The following TMIGD3 variants were observed in gnomAD, a reference collection of about 807,000 sequenced individuals.
The protein encoded by TMIGD3 is transmembrane and immunoglobulin domain containing 3.
Under a neutral mutation model 28.1 loss-of-function variants are expected in TMIGD3, and 21 were observed. That is an observed-to-expected ratio of 0.75 (90% CI 0.53 to 1.08). The LOEUF is 1.08. TMIGD3 is among the 50% of genes least tolerant of loss of function. TMIGD3 has a pLI of 0.00. For missense variants in TMIGD3, 416 were observed against 435.6 expected (o/e 0.96, Z 0.40); for synonymous variants, 151 against 162.1 (o/e 0.93, Z 0.52).
intron 1 of TMIGD3, among the ~76,000 whole-genome samples, chr1:111,555,362 TAAAAAAAA>T (rs397981230): frequency 5.5e-4 from 26 of 47,650 alleles, no homozygotes; most frequent in Non-Finnish European, 7.5e-4. Flanking sequence ...TGAGACTCTG[TAAAAAAAA>T]AAAAAAAAAA....
At chr1:111,548,425 A>AATG (rs1330447067) in intron 1 of TMIGD3, among the ~76,000 whole-genome samples, 2 of 152,214 alleles carry the variant, frequency 1.3e-5, no homozygotes, top group African/African-American at 2.4e-5. Context: ...CCTTTAAAGA[A>AATG]ATGCTTCAGG....
chr1:111,554,971 G>A (rs1172014463), intron 1 of TMIGD3, among the ~76,000 whole-genome samples: 2 of 152,060 alleles, frequency 1.3e-5, no homozygotes, highest in Non-Finnish European at 2.9e-5. Flanking sequence ...GACTTTAAAT[G>A]TAGTTATTAA....
At chr1:111,522,571 C>T (rs1656110292) in intron 1 of TMIGD3, among the ~76,000 whole-genome samples, 1 of 148,796 alleles carries the variant, frequency 6.7e-6, no homozygotes, top group Admixed American at 6.7e-5. Context: ...GGCTGAAGTG[C>T]AGTGGCGTGA....
At chr1:111,494,965 C>T (rs997408136) in intron 1 of TMIGD3, among the ~76,000 whole-genome samples, 3 of 152,138 alleles carry the variant, frequency 2.0e-5, no homozygotes, top group Admixed American at 6.5e-5. Context: ...GAAACTGGAC[C>T]CCTTCCTTAT....
At chr1:111,536,169 C>T (rs962086152) in intron 1 of TMIGD3, among the ~76,000 whole-genome samples, 174 of 152,052 alleles carry the variant, frequency 1.1e-3, no homozygotes, top group African/African-American at 3.8e-3. Flanking sequence ...CTCATACATT[C>T]GTTTTCTCTG....
At chr1:111,546,076 T>C (rs936437553) in intron 1 of TMIGD3, among the ~76,000 whole-genome samples, 8 of 152,182 alleles carry the variant, frequency 5.3e-5, no homozygotes, top group African/African-American at 1.7e-4. Context: ...TTTTTTCTTT[T>C]TCAAAACTAT....
intron 1 of TMIGD3, among the ~76,000 whole-genome samples, chr1:111,494,011 C>T (rs1368811496): frequency 6.6e-6 from 1 of 152,214 alleles, no homozygotes. Context: ...ACTGAATATA[C>T]AAGTGGACTA....
intron 1 of TMIGD3, chr1:111,500,499 C>G: frequency 1.1e-5 from 17 of 1,614,152 alleles, no homozygotes; most frequent in Non-Finnish European, 1.4e-5. Flanking sequence ...GGAATGACAC[C>G]AGCCAGCAAA....
At chr1:111,526,943 G>A (rs2101009513) in intron 1 of TMIGD3, among the ~76,000 whole-genome samples, 1 of 147,186 alleles carries the variant, frequency 6.8e-6, no homozygotes, top group East Asian at 2.1e-4. Flanking sequence ...GAATCATACA[G>A]TATGTAGCTT....
chr1:111,514,532 G>GGATGACAGGATGA (rs1571427680), intron 1 of TMIGD3, among the ~76,000 whole-genome samples: 1 of 151,770 alleles, frequency 6.6e-6, no homozygotes, highest in African/African-American at 2.4e-5. Flanking sequence ...ACTCCACCCT[G>GGATGACAGGATGA]GATGACAGGA....
chr1:111,531,250 C>T (rs1334613871), intron 1 of TMIGD3, among the ~76,000 whole-genome samples: 1 of 151,838 alleles, frequency 6.6e-6, no homozygotes, highest in Non-Finnish European at 1.5e-5. Flanking sequence ...TGAATTCCAG[C>T]CTGGGTGACA....
intron 1 of TMIGD3, among the ~76,000 whole-genome samples, chr1:111,561,149 G>C (rs1427247644): frequency 6.6e-6 from 1 of 152,152 alleles, no homozygotes; most frequent in African/African-American, 2.4e-5. Flanking sequence ...TTTGAGACAG[G>C]GTCTCCCTCT....
intron 3 of TMIGD3, 132 bp from the exon 4 acceptor site, chr1:111,486,784 A>G: frequency 1.3e-6 from 1 of 769,102 alleles, no homozygotes; most frequent in Non-Finnish European, 2.3e-6. Flanking sequence ...AGTAAAGCAG[A>G]GGTACCACGC....
Position 111,503,519 on chromosome 1 carries a change from T to A in TMIGD3, c.-165A>T, listed in dbSNP as rs2100985534. The A allele has an allele frequency of 2.1e-6, 3 of 1,431,544 alleles. No individual in the cohort carries two copies. The highest frequency in any genetic ancestry group is 9.1e-7 in the Non-Finnish European group (1 of 1,095,260). 88.7% of individuals were successfully genotyped at this position (1,431,544 alleles called of 1,614,324 possible). A position where few individuals can be genotyped will look rare whatever the true frequency, so the allele number is the denominator to read the frequency against. ...CCTACCCTTTTCTGGTGGGGTGATC[T>A]CTTGGAAACCCTTCTCCTTAGAAAG... On this transcript the variant is annotated 5_prime_UTR_variant, in exon 1 of 6. Coordinates refer to ENST00000369716, the MANE Select transcript of TMIGD3 (RefSeq NM_020683.7).
At chr1:111,507,787 T>C (rs1186433909), upstream of TMIGD3, among the ~76,000 whole-genome samples, 1 of 152,200 alleles carries the variant, frequency 6.6e-6, no homozygotes, top group African/African-American at 2.4e-5. Context: ...GCCTTACATT[T>C]TTATAGAGCT....
Position 111,488,799 on chromosome 1 carries a change from T to A in TMIGD3, c.683A>T (p.Glu228Val). 6.2e-7 allele frequency: 1 copy of A among 1,614,228 alleles called. No homozygotes were observed. The highest frequency in any genetic ancestry group is 1.7e-5 in the Admixed American group (1 of 60,028). ...LIVTMSCLTK[E>V]DTGWYWCGIQ... ...GCCACACCAGTACCAGCCCGTGTCCTCTTTGGTCAGGCAGGACATAGTGAC... is the reference window on the plus strand; with the variant it reads ...GCCACACCAGTACCAGCCCGTGTCCACTTTGGTCAGGCAGGACATAGTGAC... Residue 228 changes from glutamate (E) to valine (V), a missense_variant, in exon 3 of 6, where the codon GAG (glutamate) becomes GTG (valine). Transcript: ENST00000369716.
At chr1:111,499,899 G>A (rs1655072531) in intron 1 of TMIGD3, 1 of 1,591,458 alleles carries the variant, frequency 6.3e-7, no homozygotes, top group Non-Finnish European at 8.6e-7. Flanking sequence ...TCAAGTGTTT[G>A]TTGATGGGGA....
At chr1:111,527,475 T>G (rs982904157) in intron 1 of TMIGD3, among the ~76,000 whole-genome samples, 2 of 152,218 alleles carry the variant, frequency 1.3e-5, no homozygotes, top group Non-Finnish European at 2.9e-5. Context: ...AACACTCATG[T>G]GTAGGTTTTT....
chr1:111,518,535 G>T (rs968557877), intron 1 of TMIGD3, among the ~76,000 whole-genome samples: 1 of 152,188 alleles, frequency 6.6e-6, no homozygotes, highest in African/African-American at 2.4e-5. Context: ...TTTGGAGGAT[G>T]AGAATCACTC....
Sources: allele counts gnomAD v4.1 joint callset (sites outside exome capture counted in the v4.1 genomes callset), GRCh38; gene constraint gnomAD v4.1.1; transcripts MANE v1.5; gene names NCBI Gene and HGNC (gene_info 2026-07-23, HGNC 2026-07-21).